Variants in PCDH11X observed in about 807,000 individuals in gnomAD.
The protein encoded by PCDH11X is protocadherin 11 X-linked.
Under a neutral mutation model 53.3 loss-of-function variants are expected in PCDH11X, and 18 were observed. The ratio of observed to expected loss-of-function variants is 0.34; its 90% CI spans 0.23 to 0.50. The LOEUF (loss-of-function observed/expected upper bound fraction) is 0.50. PCDH11X is among the 20% of genes least tolerant of loss of function. The pLI is 0.98. For missense variants in PCDH11X, 570 were observed against 1,032.4 expected (o/e 0.55, Z 6.14); for synonymous variants, 279 against 393.3 (o/e 0.71, Z 3.44).
At chrX:92,159,533 T>C (rs1300643168) in intron 6 of PCDH11X, among the ~76,000 whole-genome samples, 1 of 108,118 alleles carries the variant, frequency 9.2e-6, no homozygotes, top group African/African-American at 3.4e-5. Flanking sequence ...AAAACACAAG[T>C]GTGTGTATGT....
At chrX:92,375,166 A>ATATATATATATATTTT (rs1302181048) in intron 8 of PCDH11X, among the ~76,000 whole-genome samples, 6 of 8,260 alleles carry the variant, frequency 7.3e-4, no homozygotes, top group East Asian at 6.1e-3. Flanking sequence ...ATATATATAT[A>ATATATATATATATTTT]TTTTTTTTTT....
chrX:91,955,182 C>A (rs1489316130), intron 6 of PCDH11X, among the ~76,000 whole-genome samples: 1 of 111,133 alleles, frequency 9.0e-6, no homozygotes, highest in Admixed American at 9.6e-5. Flanking sequence ...GGCTAGCCAG[C>A]ACTCCCAGCA....
chrX:92,441,353 G>A (rs1210730700), intron 9 of PCDH11X, among the ~76,000 whole-genome samples: 1 of 111,004 alleles, frequency 9.0e-6, no homozygotes, highest in Non-Finnish European at 1.9e-5. Flanking sequence ...TATCTCCAGG[G>A]CACACCAGGA....
intron 9 of PCDH11X, among the ~76,000 whole-genome samples, chrX:92,430,427 A>T (rs1221774104): frequency 1.1e-5 from 1 of 90,768 alleles, no homozygotes; most frequent in Non-Finnish European, 2.4e-5. Context: ...TTCTCTGATA[A>T]TGTCAATGTT....
intron 6 of PCDH11X, among the ~76,000 whole-genome samples, chrX:92,077,622 G>GAGGAAGGA (rs768755254): frequency 0.013 from 1,268 of 96,141 alleles, 20 homozygotes; most frequent in African/African-American, 0.042. Context: ...GGAAGGAAGG[G>GAGGAAGGA]AGGAAGGAAG....
intron 8 of PCDH11X, among the ~76,000 whole-genome samples, chrX:92,289,830 T>G (rs767081762): frequency 9.0e-6 from 1 of 111,239 alleles, no homozygotes; most frequent in South Asian, 3.8e-4. Flanking sequence ...AGATCATAAT[T>G]TTCATATGAA....
At chrX:92,496,764 G>T (rs755605890) in intron 10 of PCDH11X, among the ~76,000 whole-genome samples, 2 of 105,274 alleles carry the variant, frequency 1.9e-5, no homozygotes, top group Admixed American at 2.0e-4. Flanking sequence ...TATACCGCAG[G>T]TATGCTAAGT....
At chrX:92,575,905 GTATATATATA>G (rs58574424) in intron 10 of PCDH11X, among the ~76,000 whole-genome samples, 360 of 25,803 alleles carry the variant, frequency 0.014, 7 homozygotes, top group African/African-American at 0.055. Flanking sequence ...TACCTGGTGT[GTATATATATA>G]TATATATATA....
intron 6 of PCDH11X, among the ~76,000 whole-genome samples, chrX:92,026,885 C>T (rs1319993198): frequency 4.8e-5 from 4 of 84,059 alleles, no homozygotes; most frequent in Middle Eastern, 4.8e-3. Flanking sequence ...CATAAAGGGA[C>T]GCTTCTAGAC....
chrX:92,507,062 A>C (rs1434300980), intron 10 of PCDH11X, among the ~76,000 whole-genome samples: 1 of 110,483 alleles, frequency 9.1e-6, no homozygotes, highest in Non-Finnish European at 1.9e-5. Flanking sequence ...CTGTGTTGGT[A>C]TTAAAGCCCC....
intron 6 of PCDH11X, among the ~76,000 whole-genome samples, chrX:92,092,499 G>C (rs1027956707): frequency 1.8e-5 from 2 of 111,355 alleles, no homozygotes; most frequent in African/African-American, 6.5e-5. Context: ...ATTTTAGGGA[G>C]ACATGAGATA....
chrX:91,934,473 T>A (rs1346673018), intron 6 of PCDH11X, among the ~76,000 whole-genome samples: 2 of 110,987 alleles, frequency 1.8e-5, no homozygotes, highest in Non-Finnish European at 3.8e-5. Flanking sequence ...AATCGGAAAT[T>A]CTTGGCACAA....
chrX:91,809,151 C>T (rs982327445), intron 1 of PCDH11X, among the ~76,000 whole-genome samples: 6 of 110,382 alleles, frequency 5.4e-5, no homozygotes, highest in African/African-American at 2.0e-4. Flanking sequence ...ATTCACACTT[C>T]AAAAGCTTTG....
intron 6 of PCDH11X, among the ~76,000 whole-genome samples, chrX:91,890,325 C>T (rs1310403065): frequency 1.8e-5 from 2 of 111,099 alleles, no homozygotes; most frequent in African/African-American, 6.5e-5. Flanking sequence ...ACCATTATGC[C>T]TCGTTTCTAA....
chrX:92,095,704 C>T lies in PCDH11X; in HGVS notation c.3034-105671C>T, dbSNP rs4022207. 8.0e-5 allele frequency among the ~76,000 whole-genome samples: 9 copies of T among 111,898 alleles called. No homozygotes were observed. The South Asian group carries it at 2.2e-3, about 27-fold the overall frequency. On this transcript the variant is annotated intron_variant, in intron 6 of 10. Coordinates refer to ENST00000682573, the MANE Select transcript of PCDH11X (RefSeq NM_032968.5). ...ACAATCTATAATATAAAAATATACG[C>T]CATTTAAACCTTATGTCCTACATAT...
At chrX:91,930,349 G>T (rs1295736225) in intron 6 of PCDH11X, among the ~76,000 whole-genome samples, 1 of 107,131 alleles carries the variant, frequency 9.3e-6, no homozygotes, top group Non-Finnish European at 1.9e-5. Flanking sequence ...ATTAGTAAAA[G>T]AATAAAAGAA....
At chrX:91,844,932 G>C (rs747385683) in intron 5 of PCDH11X, among the ~76,000 whole-genome samples, 1 of 110,878 alleles carries the variant, frequency 9.0e-6, no homozygotes, top group South Asian at 3.8e-4. Flanking sequence ...GAACGAAGTT[G>C]TGTTCTAGAT....
chrX:91,964,159 T>C (rs111317115), intron 6 of PCDH11X, among the ~76,000 whole-genome samples: 84 of 99,041 alleles, frequency 8.5e-4, no homozygotes, highest in African/African-American at 3.8e-3. Context: ...GTGAAAGAAA[T>C]TAAAGAAGAC....
intron 10 of PCDH11X, among the ~76,000 whole-genome samples, chrX:92,536,160 A>T (rs2074654099): frequency 9.2e-6 from 1 of 109,268 alleles, no homozygotes; most frequent in Non-Finnish European, 1.9e-5. Flanking sequence ...AAGCTCTGAA[A>T]TTCTTTCTTC....
Sources: allele counts gnomAD v4.1 joint callset (sites outside exome capture counted in the v4.1 genomes callset), GRCh38; gene constraint gnomAD v4.1.1; transcripts MANE v1.5; gene names NCBI Gene and HGNC (gene_info 2026-07-23, HGNC 2026-07-21).